The following SLCO1A2 variants were observed in gnomAD, a reference collection of about 807,000 sequenced individuals.
SLCO1A2 encodes OATP-1.
In SLCO1A2, 67 loss-of-function variants were observed where a neutral mutation model predicts 69.0. The observed-to-expected ratio is 0.97, with a 90% CI of 0.80 to 1.19. The LOEUF (loss-of-function observed/expected upper bound fraction) is 1.19. Ranked by LOEUF, SLCO1A2 falls within the 50% of genes most tolerant of loss-of-function variation. The probability of loss-of-function intolerance (pLI) is 0.00; values close to 1 mark genes in which losing one functional copy is unlikely to be tolerated. For missense variants in SLCO1A2, 787 were observed against 793.7 expected, an observed-to-expected ratio of 0.99 and a Z score of 0.10; for synonymous variants, 260 against 265.9, an observed-to-expected ratio of 0.98 and a Z score of 0.22.
intron 12 of SLCO1A2, among the ~76,000 whole-genome samples, chr12:21,275,752 T>A (rs563461344): frequency 8.6e-5 from 13 of 151,980 alleles, no homozygotes; most frequent in African/African-American, 2.7e-4. Context: ...ACCAGCCTGG[T>A]CAACATGGTG....
chr12:21,299,851 CGTGT>C (rs1948406500), intron 8 of SLCO1A2, among the ~76,000 whole-genome samples: 1 of 124,446 alleles, frequency 8.0e-6, no homozygotes, highest in African/African-American at 3.2e-5. Context: ...TATATATATA[CGTGT>C]ATATATATAT....
At chr12:21,417,751 G>A (rs545931989) in intron 1 of SLCO1A2, 22 of 152,142 alleles carry the variant, frequency 1.4e-4, no homozygotes, top group African/African-American at 4.6e-4. Flanking sequence ...GTTAAATCAC[G>A]AAGTTTCCTA....
chr12:21,330,908 G>T (rs1225421773), intron 2 of SLCO1A2, among the ~76,000 whole-genome samples: 1 of 152,052 alleles, frequency 6.6e-6, no homozygotes, highest in Admixed American at 6.6e-5. Flanking sequence ...GGACTTTCTG[G>T]TTTGACATAA....
chr12:21,384,890 C>T (rs1018611761), intron 1 of SLCO1A2, among the ~76,000 whole-genome samples: 2 of 151,570 alleles, frequency 1.3e-5, no homozygotes, highest in Admixed American at 6.6e-5. Flanking sequence ...CTCGGCTTCC[C>T]GAGTAGCTGG....
intron 12 of SLCO1A2, among the ~76,000 whole-genome samples, chr12:21,284,341 C>G (rs1945349904): frequency 6.6e-6 from 1 of 152,296 alleles, no homozygotes; most frequent in East Asian, 1.9e-4. Flanking sequence ...TTCTGCATTT[C>G]CATCTGAGGT....
chr12:21,279,369 A>G (rs1944410927), intron 12 of SLCO1A2, among the ~76,000 whole-genome samples: 1 of 152,172 alleles, frequency 6.6e-6, no homozygotes, highest in South Asian at 2.1e-4. Flanking sequence ...GTTATAGAAT[A>G]CCAAGCAGAT....
At chr12:21,357,621 G>A (rs1233047169) in intron 2 of SLCO1A2, among the ~76,000 whole-genome samples, 3 of 152,152 alleles carry the variant, frequency 2.0e-5, no homozygotes, top group Non-Finnish European at 2.9e-5. Context: ...GATGCTCTAA[G>A]TATTATTGAA....
intron 14 of SLCO1A2, among the ~76,000 whole-genome samples, chr12:21,271,098 T>C (rs1315793699): frequency 2.0e-5 from 3 of 151,848 alleles, no homozygotes; most frequent in Non-Finnish European, 4.4e-5. Flanking sequence ...TTAACTTAAC[T>C]ACTCTACTTG....
chr12:21,342,387 C>T lies in SLCO1A2; in HGVS notation c.-62-7678G>A, dbSNP rs552003667. On this transcript the variant is annotated intron_variant, in intron 2 of 15. Coordinates refer to the SLCO1A2 transcript ENST00000307378. ...ATACAAAACCTACTCTTATTTCTTC[C>T]ATTTTAAACTCCAACATTATTAAAC... 1.1e-3 allele frequency among the ~76,000 whole-genome samples: 167 copies of T among 152,058 alleles called. 2 individuals are homozygous for T. Among genetic ancestry groups the T allele is most frequent in the Admixed American group, 5.9e-4 (9 of 15,250 alleles).
At chr12:21,309,873 T>C (rs1457992650) in intron 4 of SLCO1A2, among the ~76,000 whole-genome samples, 6 of 152,092 alleles carry the variant, frequency 3.9e-5, no homozygotes, top group African/African-American at 7.2e-5. Flanking sequence ...AGATGGAGAA[T>C]TGAAAGTGAT....
chr12:21,308,842 G>C (rs1949752788), intron 4 of SLCO1A2, among the ~76,000 whole-genome samples: 1 of 152,124 alleles, frequency 6.6e-6, no homozygotes, highest in Non-Finnish European at 1.5e-5. Context: ...CTTCCAGCTG[G>C]CTTCTTGTTG....
intron 1 of SLCO1A2, among the ~76,000 whole-genome samples, chr12:21,405,323 T>G (rs1941806250): frequency 2.0e-5 from 3 of 152,188 alleles, no homozygotes; most frequent in Admixed American, 1.3e-4. Context: ...TGAATAATAT[T>G]GCCTAGATTT....
Position 21,384,933 on chromosome 12 carries a change from T to G in SLCO1A2, c.-190+9973A>C, listed in dbSNP as rs551200757. ...GGCTCCCGCCACCATGCCGAGCTAA[T>G]TTTTTGTATTTTTAGTAGAGACGGG... On this transcript the variant is annotated intron_variant, in intron 1 of 15. Transcript: ENST00000307378. Among the ~76,000 whole-genome samples the G allele has an allele frequency of 9.9e-5, 15 of 152,078 alleles. No individual in the cohort carries two copies. In the South Asian group the frequency reaches 2.7e-3, roughly 27 times the overall value.
At chr12:21,413,237 C>CTTTTTCTTTTTTTTTTTTTTTT (rs772542069) in intron 1 of SLCO1A2, among the ~76,000 whole-genome samples, 1 of 99,434 alleles carries the variant, frequency 1.0e-5, no homozygotes, top group African/African-American at 4.0e-5. Context: ...TTTTCTTTTT[C>CTTTTTCTTTTTTTTTTTTTTTT]TTTTTTTTTT....
intron 14 of SLCO1A2, among the ~76,000 whole-genome samples, chr12:21,273,261 C>G (rs755990161): frequency 6.6e-6 from 1 of 152,068 alleles, no homozygotes; most frequent in Non-Finnish European, 1.5e-5. Context: ...ATTTTCTTAT[C>G]ATCATGGACA....
At chr12:21,389,681 C>A (rs1004473604) in intron 1 of SLCO1A2, among the ~76,000 whole-genome samples, 2 of 151,518 alleles carry the variant, frequency 1.3e-5, no homozygotes, top group African/African-American at 2.4e-5. Flanking sequence ...ACAGACCAAC[C>A]AATGGGTCCC....
chr12:21,402,175 G>T (rs550045901), intron 1 of SLCO1A2, among the ~76,000 whole-genome samples: 7 of 149,182 alleles, frequency 4.7e-5, no homozygotes, highest in Non-Finnish European at 1.0e-4. Context: ...GAAAAAAATT[G>T]TGGAGTCTAC....
chr12:21,334,387 A>G (rs1952794861), intron 2 of SLCO1A2, among the ~76,000 whole-genome samples: 1 of 152,098 alleles, frequency 6.6e-6, no homozygotes, highest in African/African-American at 2.4e-5. Flanking sequence ...ATTTAGGACT[A>G]ACTTGCCTGA....
intron 2 of SLCO1A2, among the ~76,000 whole-genome samples, chr12:21,328,685 C>T (rs1276824307): frequency 6.6e-6 from 1 of 152,094 alleles, no homozygotes; most frequent in Admixed American, 6.6e-5. Context: ...GCTGAACTAC[C>T]ATTGGCCTTT....
Sources: allele counts gnomAD v4.1 joint callset (sites outside exome capture counted in the v4.1 genomes callset), GRCh38; gene constraint gnomAD v4.1.1; transcripts MANE v1.5; gene names NCBI Gene and HGNC (gene_info 2026-07-23, HGNC 2026-07-21).